The following SMG5 variants were observed in gnomAD, a reference collection of about 807,000 sequenced individuals.
SMG5 encodes SMG5 nonsense mediated mRNA decay factor, also known as nonsense-mediated mRNA decay factor SMG5.
In SMG5, 53 loss-of-function variants were observed where a neutral mutation model predicts 122.9. The ratio of observed to expected loss-of-function variants is 0.43; its 90% CI spans 0.35 to 0.54. The LOEUF (loss-of-function observed/expected upper bound fraction) is 0.54, where lower values mean the gene tolerates loss of function less well. Among genes scored for constraint, SMG5 ranks in the 20% least tolerant of loss-of-function variants. The probability of loss-of-function intolerance (pLI) is 0.01; values close to 1 mark genes in which losing one functional copy is unlikely to be tolerated. For missense variants in SMG5, 1,153 were observed against 1,285.6 expected, an observed-to-expected ratio of 0.90 and a Z score of 1.58; for synonymous variants, 477 against 490.2, an observed-to-expected ratio of 0.97 and a Z score of 0.35.
rs1160002394 is a variant in SMG5 at position 156,249,937 on chromosome 1, C to T, written c.*650G>A. On this transcript the variant is annotated 3_prime_UTR_variant, in exon 22 of 22. Transcript: ENST00000361813. ...AGGGAGACACAAAGCAGAAGTGGGG[C>T]AATGGGATGTGCAGCCCCTGCAGCA... The T allele has an allele frequency of 8.5e-6, 4 of 470,992 alleles. No individual in the cohort carries two copies. The highest frequency in any genetic ancestry group is 1.8e-5 in the Non-Finnish European group (4 of 227,028). 29.2% of individuals were successfully genotyped at this position (470,992 alleles called of 1,614,324 possible). A position where few individuals can be genotyped will look rare whatever the true frequency, so the allele number is the denominator to read the frequency against.
In SMG5 at chr1:156,250,105, A is replaced by C. The variant is rs373273475; in HGVS notation, c.*482T>G. ...AAAGGAGGATGGGTGATCCTTGAGGAGGGGAAGGGTCTGCAGAGAATCACT... is the reference window on the plus strand; with the variant it reads ...AAAGGAGGATGGGTGATCCTTGAGGCGGGGAAGGGTCTGCAGAGAATCACT... On this transcript the variant is annotated 3_prime_UTR_variant, in exon 22 of 22. Coordinates refer to ENST00000361813, the MANE Select transcript of SMG5 (RefSeq NM_015327.3). 8.0e-5 allele frequency: 30 copies of C among 372,684 alleles called. No homozygotes were observed. The East Asian group carries it at 1.8e-3, about 22-fold the overall frequency. 23.1% of individuals were successfully genotyped at this position (372,684 alleles called of 1,614,324 possible).
At chr1:156,253,801 C>G (rs1476707462) in intron 16 of SMG5, 1 of 449,534 alleles carries the variant, frequency 2.2e-6, no homozygotes, top group Non-Finnish European at 4.1e-6. Flanking sequence ...GGCTGTGCCT[C>G]AGGATTCAAT....
At chr1:156,267,720 G>A in intron 9 of SMG5, 42 bp from the exon 10 acceptor site, 1 of 1,522,908 alleles carries the variant, frequency 6.6e-7, no homozygotes, top group Non-Finnish European at 9.0e-7. Context: ...AGTGGTGGGG[G>A]CTGGGGAAGG....
intron 21 of SMG5, 47 bp downstream of exon 21, chr1:156,250,811 A>C (rs921374574): frequency 1.2e-5 from 19 of 1,610,124 alleles, no homozygotes; most frequent in Non-Finnish European, 1.6e-5. Context: ...CTGCTCTGGT[A>C]CCTCGTCCCT....
chr1:156,285,183 G>A, upstream of SMG5: 1 of 1,513,090 alleles, frequency 6.6e-7, no homozygotes, highest in South Asian at 1.4e-5. Context: ...GTTCCCTGCA[G>A]GATGACATGA....
At chr1:156,268,047 G>C in intron 9 of SMG5, 68 bp downstream of exon 9, 1 of 1,518,234 alleles carries the variant, frequency 6.6e-7, no homozygotes. Context: ...CCTTGTCAAG[G>C]TTCCTTCTGT....
chr1:156,276,952 TA>T, intron 4 of SMG5, 132 bp downstream of exon 4: 1 of 862,048 alleles, frequency 1.2e-6, no homozygotes. Flanking sequence ...CCAAACTTCA[TA>T]AACCATTTGT....
At chr1:156,251,380 AG>A (rs759810472) in intron 20 of SMG5, 22 bp downstream of exon 20, 1 of 1,613,742 alleles carries the variant, frequency 6.2e-7, no homozygotes, top group Non-Finnish European at 8.5e-7. Context: ...CTGAGGTTCT[AG>A]GGGTGAGGGC....
intron 16 of SMG5, among the ~76,000 whole-genome samples, chr1:156,256,124 G>A (rs1661566246): frequency 6.6e-6 from 1 of 152,158 alleles, no homozygotes; most frequent in Admixed American, 6.5e-5. Context: ...ACAGACATTA[G>A]TGGGAAGACT....
At chr1:156,258,324 T>C (rs916285690) in intron 16 of SMG5, among the ~76,000 whole-genome samples, 6 of 152,238 alleles carry the variant, frequency 3.9e-5, no homozygotes, top group Admixed American at 3.9e-4. Context: ...TCACACCCAC[T>C]ATCATTCCAT....
At chr1:156,289,425 G>A in the SMG5 span, among the ~76,000 whole-genome samples, 1 of 152,164 alleles carries the variant, frequency 6.6e-6, no homozygotes, top group Non-Finnish European at 1.5e-5. Flanking sequence ...TGGCTAACAC[G>A]GTGAAACCAC....
the SMG5 span, chr1:156,290,380 GA>G: frequency 6.6e-6 from 1 of 151,468 alleles, no homozygotes; most frequent in South Asian, 2.1e-4. Context: ...AAAAATAAAA[GA>G]AAAAAATCTG....
At chr1:156,251,862 C>T (rs1249561436) in intron 19 of SMG5, among the ~76,000 whole-genome samples, 1 of 152,220 alleles carries the variant, frequency 6.6e-6, no homozygotes, top group Non-Finnish European at 1.5e-5. Flanking sequence ...TTATTCCCTA[C>T]ACCCTCTGCC....
At chr1:156,281,452 G>C (rs1430732093) in intron 1 of SMG5, among the ~76,000 whole-genome samples, 1 of 152,204 alleles carries the variant, frequency 6.6e-6, no homozygotes, top group Non-Finnish European at 1.5e-5. Flanking sequence ...CCCGCCTGGG[G>C]ACTGCTTGGG....
At chr1:156,287,606 CTTTT>C (rs745468403), upstream of SMG5, among the ~76,000 whole-genome samples, 3 of 72,640 alleles carry the variant, frequency 4.1e-5, no homozygotes, top group Non-Finnish European at 5.2e-5. Context: ...TTACTCTCCA[CTTTT>C]TTTTTTTTTT....
In SMG5 at chr1:156,272,403, G is replaced by A. The variant is rs1055615294; in HGVS notation, c.635-5C>T. On this transcript the variant is annotated splice_region_variant and splice_polypyrimidine_tract_variant and intron_variant, in intron 6 of 21. Transcript: ENST00000361813. ...CCAGCTGATTGAAGGGCATTCCTAG[G>A]GAGAAAGAGAATTCATGCAGTCTAA... is the stretch of plus-strand genomic sequence containing the variant. 1.3e-6 allele frequency: 2 copies of A among 1,597,632 alleles called. No individual in the cohort carries two copies. Among genetic ancestry groups the A allele is most frequent in the African/African-American group, 2.7e-5 (2 of 74,646 alleles).
rs113953824 is a variant in SMG5, at chr1:156,253,148, C to T, written c.2503-70G>A. 2.4e-4 allele frequency: 351 copies of T among 1,472,534 alleles called. 1 individual carries two copies. The African/African-American group carries it at 4.4e-3, about 19-fold the overall frequency. 91.2% of individuals were successfully genotyped at this position (1,472,534 alleles called of 1,614,324 possible). On this transcript the variant is annotated intron_variant, in intron 17 of 21. Transcript: ENST00000361813. ...CAGCCGGGCCGGGGGAAGAGTGGTGCTCAAGGTGGCTCTATGGGGCTCCTC... is the reference window on the plus strand; with the variant it reads ...CAGCCGGGCCGGGGGAAGAGTGGTGTTCAAGGTGGCTCTATGGGGCTCCTC...
chr1:156,272,086 A>G (rs1002406263), intron 7 of SMG5, among the ~76,000 whole-genome samples: 5 of 152,178 alleles, frequency 3.3e-5, no homozygotes, highest in Non-Finnish European at 5.9e-5. Flanking sequence ...GCAATCTTGT[A>G]TTTTGCATAA....
At chr1:156,266,427 C>A in intron 11 of SMG5, 47 bp from the exon 12 acceptor site, 1 of 1,600,214 alleles carries the variant, frequency 6.2e-7, no homozygotes, top group Non-Finnish European at 8.5e-7. Context: ...CAGGTGGAGC[C>A]TGGAAGCTGG....
Sources: allele counts gnomAD v4.1 joint callset (sites outside exome capture counted in the v4.1 genomes callset), GRCh38; gene constraint gnomAD v4.1.1; transcripts MANE v1.5; gene names NCBI Gene and HGNC (gene_info 2026-07-23, HGNC 2026-07-21).